The following ARHGAP40 variants were observed in gnomAD, a reference collection of about 807,000 sequenced individuals.
ARHGAP40 encodes the protein Rho GTPase activating protein 40.
Under a neutral mutation model 73.5 loss-of-function variants are expected in ARHGAP40, and 43 were observed. That is an observed-to-expected ratio of 0.58 (90% confidence interval 0.46 to 0.75). The LOEUF (loss-of-function observed/expected upper bound fraction) is 0.75, where lower values mean the gene tolerates loss of function less well. ARHGAP40 is among the 30% of genes least tolerant of loss of function. The pLI is 0.00. For synonymous variants in ARHGAP40, 300 were observed against 352.8 expected, an observed-to-expected ratio of 0.85 and a Z score of 1.68; for missense variants, 734 against 861.8, an observed-to-expected ratio of 0.85 and a Z score of 1.86.
At chr20:38,624,784 C>T (rs1168351517) in intron 2 of ARHGAP40, among the ~76,000 whole-genome samples, 1 of 152,216 alleles carries the variant, frequency 6.6e-6, no homozygotes, top group Non-Finnish European at 1.5e-5. Flanking sequence ...AAATAGCACC[C>T]CTGCCCCATC....
chr20:38,634,584 C>T (rs1343776918), intron 5 of ARHGAP40, 36 bp from the exon 6 acceptor site: 1 of 1,304,454 alleles, frequency 7.7e-7, no homozygotes, highest in South Asian at 1.2e-5. Flanking sequence ...GACTCATAGC[C>T]TGACAAATTG....
Position 38,632,111 on chromosome 20 carries a change from G to A in ARHGAP40, c.783+2461G>A, listed in dbSNP as rs369334681. ...CCCAAGTAGCTGGGACTACAGGCAT[G>A]TGCTACCACACCCAGCTAATTTTTG... On this transcript the variant is annotated intron_variant, in intron 5 of 14. Transcript: ENST00000373345. Among the ~76,000 whole-genome samples, 26 of 151,484 alleles carry A rather than the reference G, an allele frequency of 1.7e-4. No individual in the cohort carries two copies. In the East Asian group the frequency reaches 2.5e-3, roughly 15 times the overall value.
chr20:38,647,144 GA>G lies in ARHGAP40; in HGVS notation c.1880+19del, dbSNP rs754875741. Reference sequence around the variant, plus strand: ...CTTCTACAGTAAGAGGCACCTCCTGGAGGCAGGAGCCTCTTCCCTGCAGGGA... The same window carrying G: ...CTTCTACAGTAAGAGGCACCTCCTGGGGCAGGAGCCTCTTCCCTGCAGGGA... On this transcript the variant is annotated intron_variant, in intron 13 of 14. Transcript: ENST00000373345. The G allele has an allele frequency of 1.9e-5, 25 of 1,299,906 alleles. No individual in the cohort carries two copies. The highest frequency in any genetic ancestry group is 2.5e-5 in the Non-Finnish European group (25 of 986,370). 80.5% of individuals were successfully genotyped at this position (1,299,906 alleles called of 1,614,324 possible).
At chr20:38,641,288 C>T (rs965665738) in intron 9 of ARHGAP40, among the ~76,000 whole-genome samples, 2 of 152,120 alleles carry the variant, frequency 1.3e-5, no homozygotes, top group Non-Finnish European at 2.9e-5. Context: ...CCTCCTCTCC[C>T]CGGAGATCCT....
chr20:38,608,362 C>A (rs1013158257), intron 1 of ARHGAP40, among the ~76,000 whole-genome samples: 2 of 152,206 alleles, frequency 1.3e-5, no homozygotes, highest in Non-Finnish European at 2.9e-5. Flanking sequence ...CTCTTCTCAG[C>A]CCACTCCCCC....
exon 9 of ARHGAP40, chr20:38,639,259 T>C: frequency 3.8e-6 from 5 of 1,305,496 alleles, no homozygotes; most frequent in Non-Finnish European, 5.1e-6. Flanking sequence ...GAGACTTCTA[T>C]GCTGGCCTTT....
chr20:38,623,728 G>A (rs887929672), intron 2 of ARHGAP40, among the ~76,000 whole-genome samples, 170 bp downstream of exon 2: 3 of 152,206 alleles, frequency 2.0e-5, no homozygotes, highest in African/African-American at 7.2e-5. Context: ...GATCCTTACT[G>A]TCTGTTCTCC....
At chr20:38,619,969 G>A (rs899844930) in intron 1 of ARHGAP40, among the ~76,000 whole-genome samples, 3 of 152,092 alleles carry the variant, frequency 2.0e-5, no homozygotes, top group African/African-American at 7.2e-5. Context: ...CTACTTGGGG[G>A]GCTGAGGTGG....
intron 9 of ARHGAP40, among the ~76,000 whole-genome samples, chr20:38,639,886 A>C (rs1157739570): frequency 6.6e-6 from 1 of 152,192 alleles, no homozygotes; most frequent in African/African-American, 2.4e-5. Context: ...AAAGATAGTC[A>C]CTTCTATTTT....
chr20:38,617,443 CCT>C (rs1369000107), intron 1 of ARHGAP40, among the ~76,000 whole-genome samples: 3 of 152,188 alleles, frequency 2.0e-5, no homozygotes, highest in African/African-American at 4.8e-5. Context: ...CTTCTCTACC[CCT>C]GTCTTCCCAT....
intron 6 of ARHGAP40, among the ~76,000 whole-genome samples, chr20:38,637,088 T>C (rs2088979514): frequency 6.6e-6 from 1 of 152,076 alleles, no homozygotes; most frequent in Admixed American, 6.5e-5. Flanking sequence ...CCAGGACTGC[T>C]GTTACATTTT....
At chr20:38,628,101 G>A (rs2088913999) in intron 3 of ARHGAP40, among the ~76,000 whole-genome samples, 1 of 152,220 alleles carries the variant, frequency 6.6e-6, no homozygotes, top group Admixed American at 6.5e-5. Context: ...CAGAGCAACA[G>A]CTCAGGAGCA....
chr20:38,636,353 C>T (rs1038182285), intron 6 of ARHGAP40, among the ~76,000 whole-genome samples: 5 of 151,998 alleles, frequency 3.3e-5, no homozygotes, highest in Admixed American at 2.6e-4. Context: ...CCTCAATCTC[C>T]CCAGGCTCAG....
chr20:38,650,148 C>T (rs1014608980), exon 15 of ARHGAP40: 13 of 361,884 alleles, frequency 3.6e-5, no homozygotes, highest in African/African-American at 1.3e-4. Context: ...ATGTTTTAAC[C>T]GTGCACACAA....
chr20:38,635,113 C>G (rs984498131), intron 6 of ARHGAP40, among the ~76,000 whole-genome samples: 3 of 152,048 alleles, frequency 2.0e-5, no homozygotes, highest in Non-Finnish European at 2.9e-5. Flanking sequence ...GTCTCTTGAC[C>G]TCGTGATCTG....
At chr20:38,628,458 C>G (rs1324289950) in intron 3 of ARHGAP40, among the ~76,000 whole-genome samples, 1 of 152,182 alleles carries the variant, frequency 6.6e-6, no homozygotes. Context: ...GCGCCCGCCA[C>G]CATGCCCGGC....
At chr20:38,637,445 G>A (rs538192853) in intron 6 of ARHGAP40, among the ~76,000 whole-genome samples, 144 of 151,458 alleles carry the variant, frequency 9.5e-4, no homozygotes, top group African/African-American at 3.2e-3. Context: ...CACTGCACCC[G>A]GCCCTTTCAA....
intron 5 of ARHGAP40, among the ~76,000 whole-genome samples, chr20:38,631,402 C>T (rs1255395508): frequency 6.6e-6 from 1 of 151,784 alleles, no homozygotes; most frequent in African/African-American, 2.4e-5. Context: ...TACAGTTCCA[C>T]ATGGCTGGGG....
At chr20:38,628,215 A>G (rs1277828320) in intron 3 of ARHGAP40, among the ~76,000 whole-genome samples, 2 of 152,144 alleles carry the variant, frequency 1.3e-5, no homozygotes, top group African/African-American at 4.8e-5. Context: ...GTAAACTGTC[A>G]TGGCACTGTG....
Sources: gnomAD v4.1 joint callset for allele counts (sites outside exome capture counted in the v4.1 genomes callset) on GRCh38, gnomAD v4.1.1 for gene constraint, MANE v1.5 for transcripts, NCBI Gene and HGNC (gene_info 2026-07-23, HGNC 2026-07-21) for gene names.